Variants in PCDHGC5 observed in about 807,000 individuals in gnomAD.
PCDHGC5 encodes protocadherin gamma subfamily C, 5, also known as protocadherin gamma-C5.
PCDHGC5 carries 25 observed loss-of-function variants against 59.0 expected under a neutral mutation model. That is an observed-to-expected ratio of 0.42 (90% CI 0.31 to 0.59). The LOEUF is 0.59. PCDHGC5 is among the 20% of genes least tolerant of loss of function. PCDHGC5 has a pLI of 0.13. For missense variants in PCDHGC5, 1,067 were observed against 1,206.4 expected (o/e 0.88, Z 1.71); for synonymous variants, 434 against 505.5 (o/e 0.86, Z 1.90).
Position 141,491,013 on chromosome 5 carries a change from G to C in PCDHGC5, c.1773G>C (p.Lys591Asn). ...CTCCTCCTGGCTCCTTGGTCACCAA[G>C]GTGACAGCCGTGGATGCTGATGCAG... ...RSAPPGSLVT[K>N]VTAVDADAGH... is the part of the protein sequence containing the mutation. The change falls in exon 1 of 4, where the codon AAG (lysine) becomes AAC (asparagine). Residue 591 changes from lysine (K) to asparagine (N), a missense_variant. Transcript: ENST00000252087. The surrounding 1 kb of genome is among the most constrained non-coding windows in gnomAD (Gnocchi z 6.9). 6.2e-7 allele frequency: 1 copy of C among 1,614,144 alleles called. No homozygotes were observed. Among genetic ancestry groups the C allele is most frequent in the Non-Finnish European group, 8.5e-7 (1 of 1,180,040 alleles).
Position 141,489,090 on chromosome 5 carries a change from C to CAAA in PCDHGC5, c.-151_-150insAAA. ...CCTGCCCACCCCCGCCACTCGGTGA[C>CAAA]TAAGAACTGCTGCAAGCAGGCAAAC... is the stretch of plus-strand genomic sequence containing the variant. On this transcript the variant is annotated 5_prime_UTR_variant, in exon 1 of 4. Transcript: ENST00000252087. The surrounding 1 kb of genome is among the most constrained non-coding windows in gnomAD (Gnocchi z 4.5). 7 of 328,768 alleles carry CAAA rather than the reference C, an allele frequency of 2.1e-5. No homozygotes were observed. The highest frequency in any genetic ancestry group is 6.1e-5 in the Admixed American group (1 of 16,494). The allele number at this position is 328,768 out of a possible 1,614,324, so 20.4% of individuals were successfully genotyped here. A position where few individuals can be genotyped will look rare whatever the true frequency, so the allele number is the denominator to read the frequency against.
intron 2 of PCDHGC5, among the ~76,000 whole-genome samples, chr5:141,501,015 C>T (rs950216755): frequency 6.6e-5 from 10 of 151,866 alleles, no homozygotes; most frequent in African/African-American, 2.4e-4. Context: ...ACTACAGGCA[C>T]GCGCCACCAC....
chr5:141,503,130 C>A (rs1406819266), intron 2 of PCDHGC5, among the ~76,000 whole-genome samples: 1 of 151,980 alleles, frequency 6.6e-6, no homozygotes, highest in Non-Finnish European at 1.5e-5. Context: ...CCTCTGGTAG[C>A]CCCTGACACA....
Position 141,511,508 on chromosome 5 carries a change from C to T in PCDHGC5, c.*335C>T, listed in dbSNP as rs1339517659. 7.8e-6 allele frequency: 3 copies of T among 385,970 alleles called. No individual in the cohort carries two copies. Among genetic ancestry groups the T allele is most frequent in the Non-Finnish European group, 1.5e-5 (3 of 206,164 alleles). The allele number at this position is 385,970 out of a possible 1,614,324, so 23.9% of individuals were successfully genotyped here. Reference sequence around the variant, plus strand: ...TCCTCCATCTTCCAAATCAATCAGGCCCATCCATCCCATGCCTCCCTCCTC... The same window carrying T: ...TCCTCCATCTTCCAAATCAATCAGGTCCATCCATCCCATGCCTCCCTCCTC... On this transcript the variant is annotated 3_prime_UTR_variant, in exon 4 of 4. Coordinates refer to ENST00000252087, the MANE Select transcript of PCDHGC5 (RefSeq NM_018929.3).
At chr5:141,495,480 C>A (rs2099761689) in intron 2 of PCDHGC5, among the ~76,000 whole-genome samples, 1 of 152,208 alleles carries the variant, frequency 6.6e-6, no homozygotes, top group African/African-American at 2.4e-5. Flanking sequence ...CGTGTCTCTG[C>A]CCCTTTTTCT....
At chr5:141,499,548 A>G (rs1312910986) in intron 2 of PCDHGC5, among the ~76,000 whole-genome samples, 3 of 152,226 alleles carry the variant, frequency 2.0e-5, no homozygotes, top group African/African-American at 7.2e-5. Flanking sequence ...ATGAACCTGT[A>G]TGATACCACT....
chr5:141,491,542 G>T lies in PCDHGC5; in HGVS notation c.2302G>T (p.Asp768Tyr), dbSNP rs112433306. The T allele has an allele frequency of 6.2e-7, 1 of 1,613,898 alleles. No homozygotes were observed. Among genetic ancestry groups the T allele is most frequent in the Admixed American group, 1.7e-5 (1 of 60,006 alleles). The change falls in exon 1 of 4, where the codon GAC becomes TAC. Residue 768 changes from aspartate (D) to tyrosine (Y), a missense_variant. Asp to Tyr is a radical substitution (Grantham distance 160). Transcript: ENST00000252087. This position sits in a 1 kb window ranked among gnomAD's most constrained non-coding sequence, Gnocchi z 6.9. ...CATGGAGGTGACGCTGCGGCCCACA[G>T]ACTCGCAGAGCCACTGCTACAGGAC... ...KYMEVTLRPT[D>Y]SQSHCYRTCF... is the part of the protein sequence containing the mutation.
rs956263164 is a variant in PCDHGC5 at position 141,511,304 on chromosome 5, C to G, written c.*131C>G. The G allele has an allele frequency of 3.3e-5, 49 of 1,490,320 alleles. No homozygotes were observed. The highest frequency in any genetic ancestry group is 4.2e-5 in the African/African-American group (3 of 71,286). The allele number at this position is 1,490,320 out of a possible 1,614,324, so 92.3% of individuals were successfully genotyped here. ...TGGTAGGGGCCAAGGCCATGCTCCC[C>G]TTGGGAAACAGAAACAAGTGCCCAG... On this transcript the variant is annotated 3_prime_UTR_variant, in exon 4 of 4. Coordinates refer to ENST00000252087, the MANE Select transcript of PCDHGC5 (RefSeq NM_018929.3).
intron 2 of PCDHGC5, among the ~76,000 whole-genome samples, chr5:141,496,955 G>T (rs2099772887): frequency 6.6e-6 from 1 of 152,006 alleles, no homozygotes; most frequent in African/African-American, 2.4e-5. Context: ...GGAGGCCAAG[G>T]TGGGTAGATC....
In PCDHGC5 at chr5:141,512,874, C is replaced by G. The variant is rs2099884476; in HGVS notation, c.*1701C>G. The G allele has an allele frequency of 6.6e-6, 1 of 152,246 alleles. No homozygotes were observed. Among genetic ancestry groups the G allele is most frequent in the Non-Finnish European group, 1.5e-5 (1 of 68,062 alleles). 9.4% of individuals were successfully genotyped at this position (152,246 alleles called of 1,614,324 possible). ...CTTCTCTTCGCATAGTCACGTAGCT[C>G]CCACCCCACCCTCTTCCTGTGTCTC... On this transcript the variant is annotated 3_prime_UTR_variant, in exon 4 of 4. Transcript: ENST00000252087.
chr5:141,492,206 G>A (rs1180294159), intron 1 of PCDHGC5, among the ~76,000 whole-genome samples: 2 of 152,204 alleles, frequency 1.3e-5, no homozygotes, highest in Non-Finnish European at 2.9e-5. Context: ...TTAGGTGTGC[G>A]CGCGGGGCTC....
chr5:141,505,803 C>A (rs920849273), intron 3 of PCDHGC5, among the ~76,000 whole-genome samples: 2 of 152,234 alleles, frequency 1.3e-5, no homozygotes, highest in African/African-American at 4.8e-5. Flanking sequence ...GGACTTGGAT[C>A]GACTTGCTCA....
Position 141,512,147 on chromosome 5 carries a change from GGCTGA to G in PCDHGC5, c.*978_*982del, listed in dbSNP as rs1406468661. The G allele has an allele frequency of 1.3e-5, 2 of 152,652 alleles. No homozygotes were observed. Among genetic ancestry groups the G allele is most frequent in the Admixed American group, 6.5e-5 (1 of 15,286 alleles). The allele number at this position is 152,652 out of a possible 1,614,324, so 9.5% of individuals were successfully genotyped here. A position where few individuals can be genotyped will look rare whatever the true frequency, so the allele number is the denominator to read the frequency against. On this transcript the variant is annotated 3_prime_UTR_variant, in exon 4 of 4. Coordinates refer to ENST00000252087, the MANE Select transcript of PCDHGC5 (RefSeq NM_018929.3). ...GGCTCAGCCCAGGCAGCCAGCTTTG[GGCTGA>G]GCTAACAGGACCAATGGATTAAACT... is the stretch of plus-strand genomic sequence containing the variant.
At chr5:141,500,260 C>G (rs2099798502) in intron 2 of PCDHGC5, among the ~76,000 whole-genome samples, 3 of 151,104 alleles carry the variant, frequency 2.0e-5, no homozygotes, top group African/African-American at 2.4e-5. Flanking sequence ...CCAGGCTGGA[C>G]TGCAGTGGCG....
rs1221067458 is a variant in PCDHGC5 at position 141,491,658 on chromosome 5, C to T, written c.2418C>T (p.Asp806=). The T allele has an allele frequency of 3.1e-6, 5 of 1,613,822 alleles. No individual in the cohort carries two copies. The highest frequency in any genetic ancestry group is 2.2e-5 in the South Asian group (2 of 91,088). ...QQPTALALEP[D]AIRSRSNTLR... Reference sequence around the variant, plus strand: ...CCACAGCTCTGGCGCTGGAGCCTGACGCCATCCGGTCCCGCTCTAATACGC... The same window carrying T: ...CCACAGCTCTGGCGCTGGAGCCTGATGCCATCCGGTCCCGCTCTAATACGC... The change falls in exon 1 of 4, where the codon GAC becomes GAT. Residue 806 remains aspartate (D), a synonymous_variant. Coordinates refer to ENST00000252087, the MANE Select transcript of PCDHGC5 (RefSeq NM_018929.3). The surrounding 1 kb of genome is among the most constrained non-coding windows in gnomAD (Gnocchi z 6.9).
rs2099687715 is a variant in PCDHGC5, at chr5:141,489,479, T to G, written c.239T>G (p.Met80Arg). 1.2e-6 allele frequency: 2 copies of G among 1,614,090 alleles called. No individual in the cohort carries two copies. The highest frequency in any genetic ancestry group is 1.7e-6 in the Non-Finnish European group (2 of 1,180,010). ...ENGRYFSLSL[M>R]SGALAVNQKI... ...GGGCGCTATTTTTCCCTGAGCTTGATGAGTGGTGCCCTGGCAGTGAATCAA... is the reference window on the plus strand; with the variant it reads ...GGGCGCTATTTTTCCCTGAGCTTGAGGAGTGGTGCCCTGGCAGTGAATCAA... Residue 80 changes from methionine to arginine, a missense_variant, in exon 1 of 4, where the codon ATG becomes AGG. By Grantham distance (91) the Met-to-Arg change is moderately conservative. Transcript: ENST00000252087. This position sits in a 1 kb window ranked among gnomAD's most constrained non-coding sequence, Gnocchi z 4.5.
In PCDHGC5 at chr5:141,489,621, T is replaced by C. The variant is rs765666746; in HGVS notation, c.381T>C (p.Asn127=). 29 of 1,613,978 alleles carry C rather than the reference T, an allele frequency of 1.8e-5. No individual in the cohort carries two copies. The highest frequency in any genetic ancestry group is 1.6e-4 in the Middle Eastern group (1 of 6,084). Residue 127 remains asparagine, a synonymous_variant, in exon 1 of 4, where the codon AAT becomes AAC. Transcript: ENST00000252087. The surrounding 1 kb of genome is among the most constrained non-coding windows in gnomAD (Gnocchi z 4.5). ...TAGAGGTAGAGATCCTGGATCTCAATGACAACTCTCCTAGCTTTGCCACCC... is the reference window on the plus strand; with the variant it reads ...TAGAGGTAGAGATCCTGGATCTCAACGACAACTCTCCTAGCTTTGCCACCC... ...IRVEVEILDL[N]DNSPSFATPE...
intron 1 of PCDHGC5, among the ~76,000 whole-genome samples, chr5:141,494,157 G>A (rs929922206): frequency 5.9e-5 from 9 of 152,312 alleles, no homozygotes; most frequent in African/African-American, 1.7e-4. Context: ...TGTCTGGCAC[G>A]GAGTTCTAGG....
At chr5:141,509,344 T>A (rs2099876374) in intron 3 of PCDHGC5, among the ~76,000 whole-genome samples, 1 of 152,202 alleles carries the variant, frequency 6.6e-6, no homozygotes, top group Admixed American at 6.5e-5. Flanking sequence ...GGGCCTGGGC[T>A]GGCCTGGGCA....
Sources: gnomAD v4.1 joint callset for allele counts (sites outside exome capture counted in the v4.1 genomes callset) on GRCh38, gnomAD v4.1.1 for gene constraint, Gnocchi (gnomAD v3.1) non-coding constraint, MANE v1.5 for transcripts, NCBI Gene and HGNC (gene_info 2026-07-23, HGNC 2026-07-21) for gene names.